The following SIM1 variants were observed in gnomAD, a reference collection of about 807,000 sequenced individuals.
SIM1 encodes single-minded homolog 1.
In SIM1, 18 loss-of-function variants were observed where a neutral mutation model predicts 78.2. The observed-to-expected ratio is 0.23, with a 90% CI of 0.16 to 0.34. The LOEUF (loss-of-function observed/expected upper bound fraction) is 0.34. SIM1 is among the 10% of genes least tolerant of loss of function. SIM1 has a pLI of 1.00. For synonymous variants in SIM1, 417 were observed against 385.2 expected (o/e 1.08, Z -0.97); for missense variants, 939 against 975.1 (o/e 0.96, Z 0.49).
chr6:100,415,737 C>T (rs1053384963), intron 10 of SIM1, among the ~76,000 whole-genome samples: 11 of 152,330 alleles, frequency 7.2e-5, no homozygotes, highest in Non-Finnish European at 1.5e-4. Flanking sequence ...AACACCGCCA[C>T]TTTAAGTTCC....
Position 100,450,362 on chromosome 6 carries a change from G to T in SIM1, c.259-6C>A. ...AAGATGAAGCCATCCAGGGTCTGGG[G>T]AGGCACAAATAGAGAGAATAGAGAG... On this transcript the variant is annotated splice_region_variant and splice_polypyrimidine_tract_variant and intron_variant, in intron 3 of 11. Transcript: ENST00000369208. 1 of 1,613,662 alleles carries T rather than the reference G, an allele frequency of 6.2e-7. No homozygotes were observed. The highest frequency in any genetic ancestry group is 8.5e-7 in the Non-Finnish European group (1 of 1,179,768).
intron 10 of SIM1, among the ~76,000 whole-genome samples, chr6:100,396,699 CA>C (rs1770778035): frequency 6.6e-6 from 1 of 152,294 alleles, no homozygotes; most frequent in African/African-American, 2.4e-5. Flanking sequence ...TGGGCACCAT[CA>C]AAACTCTGAG....
In SIM1 at chr6:100,390,646, G is replaced by A; in HGVS notation, c.2016C>T (p.Ile672=). Residue 672 remains isoleucine (I), a synonymous_variant, in exon 12 of 12, where the codon ATC becomes ATT. Coordinates refer to ENST00000369208, the MANE Select transcript of SIM1 (RefSeq NM_005068.3). ...NSDRISKSSL[I]LAKDYLHSDI... The stretch of plus-strand genomic sequence containing the variant: ...CCGAATGCAGATAGTCTTTAGCTAG[G>A]ATCAAACTGGATTTTGAAATGCGAT... 1.9e-6 allele frequency: 3 copies of A among 1,614,140 alleles called. No individual in the cohort carries two copies. The highest frequency in any genetic ancestry group is 2.5e-6 in the Non-Finnish European group (3 of 1,180,022).
intron 10 of SIM1, among the ~76,000 whole-genome samples, chr6:100,412,623 G>GAAAGAAGGAAA (rs1562239733): frequency 3.0e-5 from 2 of 67,068 alleles, no homozygotes; most frequent in Non-Finnish European, 5.7e-5. Flanking sequence ...AAAGAAAGAA[G>GAAAGAAGGAAA]GAAAGAAAGA....
Position 100,410,321 on chromosome 6 carries a change from G to A in SIM1, c.1167+10469C>T, listed in dbSNP as rs1347962992. On this transcript the variant is annotated intron_variant, in intron 10 of 11. Coordinates refer to ENST00000369208, the MANE Select transcript of SIM1 (RefSeq NM_005068.3). Reference sequence around the variant, plus strand: ...CCTCTCTTCTTTTAAGCTGGGGAGCGGAATCACAAATTGCAGCATCACTTC... The same window carrying A: ...CCTCTCTTCTTTTAAGCTGGGGAGCAGAATCACAAATTGCAGCATCACTTC... Among the ~76,000 whole-genome samples, 4 of 152,134 alleles carry A rather than the reference G, an allele frequency of 2.6e-5. No homozygotes were observed. In the East Asian group the frequency reaches 7.7e-4, roughly 29 times the overall value.
rs893681692 is a variant in SIM1, at chr6:100,388,058, C to T, written c.*2303G>A. ...AACCTTTAGCATTCTTAAGACATTA[C>T]TTCATGTTGCAAATTGATCAAAACT... is the stretch of plus-strand genomic sequence containing the variant. On this transcript the variant is annotated 3_prime_UTR_variant, in exon 12 of 12. Coordinates refer to ENST00000369208, the MANE Select transcript of SIM1 (RefSeq NM_005068.3). The T allele has an allele frequency of 2.0e-5, 3 of 152,150 alleles. No homozygotes were observed. The highest frequency in any genetic ancestry group is 7.2e-5 in the African/African-American group (3 of 41,454). 9.4% of individuals were successfully genotyped at this position (152,150 alleles called of 1,614,324 possible). A position where few individuals can be genotyped will look rare whatever the true frequency, so the allele number is the denominator to read the frequency against.
intron 10 of SIM1, among the ~76,000 whole-genome samples, chr6:100,418,321 C>T (rs981934735): frequency 1.7e-4 from 26 of 151,390 alleles, no homozygotes; most frequent in African/African-American, 6.3e-4. Flanking sequence ...CTTGCCACTG[C>T]ACTCCAGCCT....
At chr6:100,433,740 C>CCACACACACACA (rs528530747) in intron 9 of SIM1, among the ~76,000 whole-genome samples, 3,786 of 124,274 alleles carry the variant, frequency 0.03, 76 homozygotes, top group Middle Eastern at 0.073. Context: ...ACCCCCCCAC[C>CCACACACACACA]CACACACACA....
chr6:100,458,023 T>C (rs867095464), intron 2 of SIM1, among the ~76,000 whole-genome samples: 9 of 24,318 alleles, frequency 3.7e-4, no homozygotes, highest in African/African-American at 7.0e-4. Flanking sequence ...TCTCTCTCTC[T>C]CTCTCTCTCT....
chr6:100,390,722 T>G lies in SIM1; in HGVS notation c.1940A>C (p.Asp647Ala). The change falls in exon 12 of 12, where the codon GAC (aspartate) becomes GCC (alanine). Residue 647 changes from aspartate (D) to alanine (A), a missense_variant. By Grantham distance (126) the Asp-to-Ala change is moderately radical. This residue lies in a region of SIM1 where 556 missense variants were observed against 521.9 expected (regional missense o/e 1.07). Transcript: ENST00000369208. ...TAGTGCGGTGGGACTGTTGTCATAG[T>G]CATTTTCATGGGGGCTCAACATTTT... is the stretch of plus-strand genomic sequence containing the variant. ...EGKMLSPHEN[D>A]YDNSPTALSR... 6.2e-7 allele frequency: 1 copy of G among 1,614,176 alleles called. No homozygotes were observed. The highest frequency in any genetic ancestry group is 8.5e-7 in the Non-Finnish European group (1 of 1,180,032).
In SIM1 at chr6:100,412,623, G is replaced by A. The variant is rs147255507; in HGVS notation, c.1167+8167C>T. Among the ~76,000 whole-genome samples the A allele has an allele frequency of 5.6e-3, 376 of 66,952 alleles. 18 individuals carry two copies. The highest frequency in any genetic ancestry group is 0.017 in the African/African-American group (270 of 16,358). The allele number at this position is 66,952 out of a possible 152,430, so 43.9% of individuals were successfully genotyped here. Reference sequence around the variant, plus strand: ...AGAAAGAAAGAAAGGAAAGAAAGAAGGAAAGAAAGAAAGAAAAGAAAGAAA... The same window carrying A: ...AGAAAGAAAGAAAGGAAAGAAAGAAAGAAAGAAAGAAAGAAAAGAAAGAAA... On this transcript the variant is annotated intron_variant, in intron 10 of 11. Transcript: ENST00000369208.
intron 9 of SIM1, among the ~76,000 whole-genome samples, chr6:100,429,631 G>T (rs1032440332): frequency 5.9e-5 from 9 of 152,062 alleles, no homozygotes; most frequent in African/African-American, 2.2e-4. Context: ...CATTTAGTTA[G>T]TATTTGAAAA....
intron 9 of SIM1, among the ~76,000 whole-genome samples, chr6:100,433,559 T>C (rs965888601): frequency 6.6e-6 from 1 of 152,182 alleles, no homozygotes; most frequent in African/African-American, 2.4e-5. Context: ...AAGTACTTTA[T>C]AAGTATATTA....
chr6:100,401,792 CTTTTTT>C (rs1770922044), intron 10 of SIM1, among the ~76,000 whole-genome samples: 1 of 152,012 alleles, frequency 6.6e-6, no homozygotes, highest in Non-Finnish European at 1.5e-5. Context: ...AGACAAAGCC[CTTTTTT>C]AAACAACATT....
Position 100,462,261 on chromosome 6 carries a change from G to A in SIM1, c.175+1033C>T, listed in dbSNP as rs2114561015. Among the ~76,000 whole-genome samples the A allele has an allele frequency of 1.3e-5, 2 of 152,102 alleles. 1 individual carries two copies. Among genetic ancestry groups the A allele is most frequent in the Middle Eastern group, 6.8e-3 (2 of 294 alleles). On this transcript the variant is annotated intron_variant, in intron 2 of 11. Coordinates refer to ENST00000369208, the MANE Select transcript of SIM1 (RefSeq NM_005068.3). ...GTAAATAAACACAATTCTTTCCCTTGGATTTTTGTTTGTTTGCTTGTTCAG... is the reference window on the plus strand; with the variant it reads ...GTAAATAAACACAATTCTTTCCCTTAGATTTTTGTTTGTTTGCTTGTTCAG...
rs141660520 is a variant in SIM1, at chr6:100,395,308, C to T, written c.1168-1419G>A. ...TTTAATCATTCCATATACATTTTGTCGTTTAATCCTCACAACCACCTGAAC... is the reference window on the plus strand; with the variant it reads ...TTTAATCATTCCATATACATTTTGTTGTTTAATCCTCACAACCACCTGAAC... On this transcript the variant is annotated intron_variant, in intron 10 of 11. Transcript: ENST00000369208. Among the ~76,000 whole-genome samples, 36 of 152,208 alleles carry T rather than the reference C, an allele frequency of 2.4e-4. No homozygotes were observed. The East Asian group carries it at 6.4e-3, about 27-fold the overall frequency.
intron 2 of SIM1, among the ~76,000 whole-genome samples, chr6:100,457,109 G>A (rs1336210901): frequency 1.3e-5 from 2 of 152,162 alleles, no homozygotes; most frequent in Non-Finnish European, 2.9e-5. Context: ...TTTTCCTTCG[G>A]AATGAATTTA....
At chr6:100,394,614 A>G (rs530616283) in intron 10 of SIM1, among the ~76,000 whole-genome samples, 27 of 152,262 alleles carry the variant, frequency 1.8e-4, no homozygotes, top group Admixed American at 1.6e-3. Flanking sequence ...TTTGTTGTCC[A>G]AGCTGGTCTT....
intron 10 of SIM1, among the ~76,000 whole-genome samples, chr6:100,396,395 T>C (rs186479946): frequency 6.6e-6 from 1 of 152,260 alleles, no homozygotes; most frequent in Non-Finnish European, 1.5e-5. Flanking sequence ...GGGAAAGTGC[T>C]ATTGGCGCAA....
Sources: allele counts gnomAD v4.1 joint callset (sites outside exome capture counted in the v4.1 genomes callset), GRCh38; gene constraint gnomAD v4.1.1; regional missense constraint gnomAD v4.1.1; transcripts MANE v1.5; gene names NCBI Gene and HGNC (gene_info 2026-07-23, HGNC 2026-07-21).